The following MICAL3 variants were observed in gnomAD, a reference collection of about 807,000 sequenced individuals.
The protein encoded by MICAL3 is [F-actin]-monooxygenase MICAL3.
Under a neutral mutation model 207.4 loss-of-function variants are expected in MICAL3, and 62 were observed. The observed-to-expected ratio is 0.30, with a 90% CI of 0.24 to 0.37. MICAL3 has a LOEUF of 0.37. MICAL3 is among the 10% of genes least tolerant of loss of function. The pLI, the probability that MICAL3 is intolerant of heterozygous loss-of-function variation, is 1.00. For missense variants in MICAL3, 2,368 were observed against 2,635.6 expected (o/e 0.90, Z 2.22); for synonymous variants, 1,077 against 1,069.3 (o/e 1.01, Z -0.14).
intron 16 of MICAL3, among the ~76,000 whole-genome samples, chr22:17,879,935 C>T (rs191594937): frequency 6.6e-5 from 10 of 152,188 alleles, no homozygotes; most frequent in African/African-American, 2.2e-4. Context: ...GGCGAATGGA[C>T]GGGAAGGTAT....
chr22:17,988,784 A>G (rs1921326796), intron 1 of MICAL3, among the ~76,000 whole-genome samples: 1 of 152,054 alleles, frequency 6.6e-6, no homozygotes, highest in African/African-American at 2.4e-5. Context: ...AGGGCTGGGG[A>G]AAAAAATTAA....
chr22:17,836,588 A>G (rs1183717713), intron 20 of MICAL3, among the ~76,000 whole-genome samples: 2 of 151,898 alleles, frequency 1.3e-5, no homozygotes, highest in Non-Finnish European at 2.9e-5. Context: ...CAGGAATTCA[A>G]GCAGACCCTA....
At chr22:18,006,650 A>G (rs62241585) in intron 1 of MICAL3, 11,262 of 152,250 alleles carry the variant, frequency 0.074, 614 homozygotes, top group African/African-American at 0.16. Flanking sequence ...CCTGACCAAC[A>G]TGGAGAAACC....
chr22:17,907,591 T>A (rs981144052), intron 1 of MICAL3, among the ~76,000 whole-genome samples: 2 of 151,974 alleles, frequency 1.3e-5, no homozygotes, highest in Non-Finnish European at 1.5e-5. Context: ...ACACGGGCAG[T>A]AGCTAAGCAT....
At chr22:17,843,655 C>T (rs1924311523) in intron 19 of MICAL3, among the ~76,000 whole-genome samples, 1 of 152,236 alleles carries the variant, frequency 6.6e-6, no homozygotes, top group African/African-American at 2.4e-5. Flanking sequence ...CCTTCCTCTT[C>T]CACTTAACGC....
intron 26 of MICAL3, 50 bp downstream of exon 26, chr22:17,817,261 T>TCCCGCACCCCA: frequency 1.3e-6 from 2 of 1,516,584 alleles, no homozygotes; most frequent in Non-Finnish European, 1.8e-6. Flanking sequence ...CCCCAGCCCC[T>TCCCGCACCCCA]CCCGCACCCC....
chr22:17,998,099 C>T (rs1365458712), intron 1 of MICAL3, among the ~76,000 whole-genome samples: 1 of 152,034 alleles, frequency 6.6e-6, no homozygotes, highest in African/African-American at 2.4e-5. Flanking sequence ...GTCAGGAGTT[C>T]GAGACCAGCC....
At chr22:17,917,885 C>A (rs143483601) in intron 1 of MICAL3, among the ~76,000 whole-genome samples, 1,769 of 152,324 alleles carry the variant, frequency 0.012, 17 homozygotes, top group Middle Eastern at 0.017. Context: ...AAGCATGTCC[C>A]TTCCCTCTAT....
At chr22:17,886,116 C>T (rs1929847864) in intron 15 of MICAL3, 65 bp from the exon 16 acceptor site, 3 of 1,550,576 alleles carry the variant, frequency 1.9e-6, no homozygotes, top group South Asian at 2.3e-5. Context: ...GCCCCTCCCT[C>T]ACAGAAGTGC....
chr22:18,002,693 C>A (rs1279023627), intron 1 of MICAL3, among the ~76,000 whole-genome samples: 1 of 152,032 alleles, frequency 6.6e-6, no homozygotes, highest in Admixed American at 6.6e-5. Context: ...TGACCTTGAG[C>A]AGGTAAGTAC....
chr22:17,871,692 G>T, intron 17 of MICAL3, 145 bp downstream of exon 17: 1 of 675,060 alleles, frequency 1.5e-6, no homozygotes. Flanking sequence ...GTGATGGAGG[G>T]AGAGGGGCAA....
At chr22:17,814,693 T>C (rs1273313444) in intron 27 of MICAL3, 1 of 152,222 alleles carries the variant, frequency 6.6e-6, no homozygotes, top group Non-Finnish European at 1.5e-5. Flanking sequence ...ATGTCATCTG[T>C]CTCCTAGGTT....
chr22:17,889,109 C>G lies in MICAL3; in HGVS notation c.1816G>C (p.Glu606Gln), dbSNP rs1244228547. The G allele has an allele frequency of 1.9e-6, 3 of 1,613,792 alleles. No homozygotes were observed. The highest frequency in any genetic ancestry group is 2.2e-5 in the East Asian group (1 of 44,874). Reference sequence around the variant, plus strand: ...ATCACCATGGACAGCTTATCAGGCTCCCCCACGGAGGCCATTTCTTTGCCT... The same window carrying G: ...ATCACCATGGACAGCTTATCAGGCTGCCCCACGGAGGCCATTTCTTTGCCT... ...MTGKEMASVG[E>Q]PDKLSMVMYL... The change falls in exon 13 of 32, where the codon GAG (glutamate) becomes CAG (glutamine). Residue 606 changes from glutamate (E) to glutamine (Q), a missense_variant. Coordinates refer to ENST00000441493, the MANE Select transcript of MICAL3 (RefSeq NM_015241.3).
At chr22:17,966,686 C>G (rs967868065) in intron 1 of MICAL3, among the ~76,000 whole-genome samples, 4 of 152,158 alleles carry the variant, frequency 2.6e-5, no homozygotes, top group African/African-American at 7.2e-5. Context: ...TACCAACTGT[C>G]TAGGGTATTT....
At position 17,893,282 on chromosome 22, in the gene MICAL3, A is replaced by T. The variant is rs564303930; in HGVS notation, c.1546+526T>A. On this transcript the variant is annotated intron_variant, in intron 11 of 31. Coordinates refer to ENST00000441493, the MANE Select transcript of MICAL3 (RefSeq NM_015241.3). ...CTGCCTCTGGTACTTCCCTCCTCCA[A>T]CCCCTCTCACGTGTGGCTGACCAGG... Among the ~76,000 whole-genome samples the T allele has an allele frequency of 4.6e-5, 7 of 151,224 alleles. No homozygotes were observed. In the South Asian group the frequency reaches 6.3e-4, roughly 14 times the overall value.
chr22:17,814,927 C>T (rs1226667647), intron 27 of MICAL3: 1 of 144,466 alleles, frequency 6.9e-6, no homozygotes, highest in South Asian at 2.2e-4. Flanking sequence ...TCCCCTAGCT[C>T]GACTGTCCCC....
intron 1 of MICAL3, among the ~76,000 whole-genome samples, chr22:17,976,584 TATATA>T (rs1413085903): frequency 3.0e-3 from 265 of 87,506 alleles, no homozygotes; most frequent in African/African-American, 0.012. Context: ...TATATATATA[TATATA>T]TTTTTTTTTT....
intron 1 of MICAL3, among the ~76,000 whole-genome samples, chr22:17,977,538 A>AT (rs1028750086): frequency 1.3e-4 from 19 of 147,742 alleles, no homozygotes; most frequent in South Asian, 6.4e-4. Flanking sequence ...GACTATAATA[A>AT]AAAAAAAAAA....
chr22:17,824,067 A>C (rs1411008304), intron 22 of MICAL3, among the ~76,000 whole-genome samples: 1 of 150,762 alleles, frequency 6.6e-6, no homozygotes, highest in Non-Finnish European at 1.5e-5. Context: ...CCTCCCCAGG[A>C]GCCGGCCCCT....
Sources: allele counts gnomAD v4.1 joint callset (sites outside exome capture counted in the v4.1 genomes callset), GRCh38; gene constraint gnomAD v4.1.1; transcripts MANE v1.5; gene names NCBI Gene and HGNC (gene_info 2026-07-23, HGNC 2026-07-21).